The following METTL21A variants were observed in gnomAD, a reference collection of about 807,000 sequenced individuals.
The protein encoded by METTL21A is protein N-lysine methyltransferase METTL21A.
METTL21A carries 22 observed loss-of-function variants against 20.9 expected under a neutral mutation model. The ratio of observed to expected loss-of-function variants is 1.05; its 90% confidence interval spans 0.75 to 1.50. The LOEUF is 1.50. Ranked by LOEUF, METTL21A falls within the 40% of genes most tolerant of loss-of-function variation. The pLI, the probability that METTL21A is intolerant of heterozygous loss-of-function variation, is 0.00. For synonymous variants in METTL21A, 93 were observed against 102.0 expected, an observed-to-expected ratio of 0.91 and a Z score of 0.53; for missense variants, 271 against 266.8, an observed-to-expected ratio of 1.02 and a Z score of -0.11.
intron 3 of METTL21A, among the ~76,000 whole-genome samples, chr2:207,587,577 C>T (rs1296329679): frequency 6.6e-6 from 1 of 151,930 alleles, no homozygotes; most frequent in Non-Finnish European, 1.5e-5. Context: ...AAGAAAATTG[C>T]AGTATATATA....
At chr2:207,625,103 C>T in intron 1 of METTL21A, 1 of 152,592 alleles carries the variant, frequency 6.6e-6, no homozygotes, top group Non-Finnish European at 1.5e-5. Flanking sequence ...TGCCCGGGGG[C>T]CCCGGAGCTG....
At chr2:207,621,806 C>T in exon 3 of METTL21A, 1 of 1,613,740 alleles carries the variant, frequency 6.2e-7, no homozygotes, top group Non-Finnish European at 8.5e-7. Context: ...TGACACTCAC[C>T]CAGCAGGGCA....
downstream of METTL21A, among the ~76,000 whole-genome samples, chr2:207,604,238 G>A (rs1236375310): frequency 3.3e-5 from 5 of 152,170 alleles, no homozygotes; most frequent in Non-Finnish European, 7.3e-5. Context: ...CACATCCAAA[G>A]ATAAAATTCT....
At chr2:207,596,428 G>A (rs943693505) in intron 3 of METTL21A, among the ~76,000 whole-genome samples, 1 of 152,112 alleles carries the variant, frequency 6.6e-6, no homozygotes, top group Non-Finnish European at 1.5e-5. Flanking sequence ...TGTTTATGGA[G>A]TTGTTTTTTT....
At chr2:207,583,580 C>T (rs982776266) in intron 3 of METTL21A, among the ~76,000 whole-genome samples, 2 of 152,154 alleles carry the variant, frequency 1.3e-5, no homozygotes, top group Non-Finnish European at 2.9e-5. Flanking sequence ...CCTTTCTCCA[C>T]CCCTTTCAAT....
chr2:207,597,203 A>G (rs980566891), intron 3 of METTL21A: 10 of 874,348 alleles, frequency 1.1e-5, no homozygotes, highest in Non-Finnish European at 1.6e-5. Context: ...AATTTCATTC[A>G]TTTGTGCTTT....
At chr2:207,598,199 A>G (rs1333609861) in intron 3 of METTL21A, 1 of 182,528 alleles carries the variant, frequency 5.5e-6, no homozygotes, top group Non-Finnish European at 1.2e-5. Context: ...TAAAAAGTAC[A>G]GTGTTAGATG....
intron 3 of METTL21A, among the ~76,000 whole-genome samples, chr2:207,588,139 C>CCTT (rs60458575): frequency 6.6e-6 from 1 of 152,092 alleles, no homozygotes; most frequent in Non-Finnish European, 1.5e-5. Context: ...ACACAGACTT[C>CCTT]GTTTTCCTCT....
chr2:207,614,208 C>A (rs1017768424), intron 3 of METTL21A, among the ~76,000 whole-genome samples: 4 of 152,086 alleles, frequency 2.6e-5, no homozygotes, highest in Non-Finnish European at 4.4e-5. Flanking sequence ...CAAGACCAGC[C>A]TGGGTAACAC....
chr2:207,582,930 TAC>T (rs1559059377), intron 3 of METTL21A: 4 of 244,192 alleles, frequency 1.6e-5, no homozygotes, highest in Non-Finnish European at 2.5e-5. Flanking sequence ...TATATATATA[TAC>T]ATACACACAC....
rs773043618 is a variant in METTL21A at position 207,613,388 on chromosome 2, GTTTGA to G, written c.310_314del (p.Ser104ArgfsTer12). 3.7e-6 allele frequency: 6 copies of G among 1,608,192 alleles called. No individual in the cohort carries two copies. The highest frequency in any genetic ancestry group is 1.7e-5 in the Admixed American group (1 of 58,086). ...TATGAGGAGGTAAGTTGGCTTGAAC[GTTTGA>G]TTTAAGAAATTCTAATGCTACTTTT... On this transcript the variant is annotated frameshift_variant, in exon 4 of 4. Transcript: ENST00000406927. LOFTEE classifies it high-confidence loss of function.
intron 3 of METTL21A, among the ~76,000 whole-genome samples, chr2:207,620,453 T>TAAATAAAATA (rs58925319): frequency 0.031 from 4,479 of 146,808 alleles, 178 homozygotes; most frequent in African/African-American, 0.085. Flanking sequence ...AAAAAATAAA[T>TAAATAAAATA]AAATAAAATA....
chr2:207,624,451 T>C (rs547120342), intron 1 of METTL21A, 47 bp from the exon 2 acceptor site: 2 of 1,490,786 alleles, frequency 1.3e-6, no homozygotes, highest in Non-Finnish European at 1.8e-6. Flanking sequence ...AAAAGATACA[T>C]TATCTGTTCT....
downstream of METTL21A, among the ~76,000 whole-genome samples, chr2:207,608,898 C>G (rs1226058408): frequency 1.3e-5 from 2 of 152,190 alleles, no homozygotes; most frequent in African/African-American, 4.8e-5. Flanking sequence ...CGCACTCCAG[C>G]CTGGGTGACA....
At chr2:207,581,767 T>G in exon 4 of METTL21A, 1 of 681,742 alleles carries the variant, frequency 1.5e-6, no homozygotes, top group South Asian at 1.6e-5. Flanking sequence ...GAATTATACA[T>G]TTTATTTCCC....
downstream of METTL21A, among the ~76,000 whole-genome samples, chr2:207,607,959 T>TA (rs1455973770): frequency 6.6e-6 from 1 of 152,194 alleles, no homozygotes; most frequent in Non-Finnish European, 1.5e-5. Context: ...GCTGCCCAGA[T>TA]ACGCGCGCTC....
At chr2:207,617,083 C>T (rs757731799) in intron 3 of METTL21A, among the ~76,000 whole-genome samples, 1 of 152,114 alleles carries the variant, frequency 6.6e-6, no homozygotes, top group Non-Finnish European at 1.5e-5. Flanking sequence ...TGGAGACTGA[C>T]CCAATAGGAC....
chr2:207,590,092 T>A (rs1023276279), intron 3 of METTL21A, among the ~76,000 whole-genome samples: 3 of 140,676 alleles, frequency 2.1e-5, no homozygotes, highest in African/African-American at 7.5e-5. Context: ...AGTTTTTTTT[T>A]TTTTTTTTTT....
chr2:207,586,519 G>A (rs1247975053), intron 3 of METTL21A, among the ~76,000 whole-genome samples: 1 of 152,096 alleles, frequency 6.6e-6, no homozygotes, highest in Non-Finnish European at 1.5e-5. Context: ...AAACTTCATG[G>A]CTAAGACTCC....
Sources: gnomAD v4.1 joint callset for allele counts (sites outside exome capture counted in the v4.1 genomes callset) on GRCh38, gnomAD v4.1.1 for gene constraint, MANE v1.5 for transcripts, NCBI Gene and HGNC (gene_info 2026-07-23, HGNC 2026-07-21) for gene names.